Variants in DNAJA2 observed in about 807,000 individuals in gnomAD.
DNAJA2 encodes the protein DnaJ heat shock protein family (Hsp40) member A2, also known as dnaJ homolog subfamily A member 2.
Under a neutral mutation model 49.3 loss-of-function variants are expected in DNAJA2, and 6 were observed. That is an observed-to-expected ratio of 0.12 (90% CI 0.07 to 0.24). The LOEUF (loss-of-function observed/expected upper bound fraction) is 0.24, where lower values mean the gene tolerates loss of function less well. DNAJA2 is among the 10% of genes least tolerant of loss of function. The probability of loss-of-function intolerance (pLI) is 1.00; values close to 1 mark genes in which losing one functional copy is unlikely to be tolerated. For synonymous variants in DNAJA2, 160 were observed against 172.7 expected, an observed-to-expected ratio of 0.93 and a Z score of 0.58; for missense variants, 347 against 516.8, an observed-to-expected ratio of 0.67 and a Z score of 3.19.
At chr16:46,970,837 G>A (rs1240274376) in intron 3 of DNAJA2, among the ~76,000 whole-genome samples, 3 of 149,644 alleles carry the variant, frequency 2.0e-5, no homozygotes, top group Non-Finnish European at 4.4e-5. Context: ...TTGGGAGTTC[G>A]AGACCAGCAT....
rs1198071599 is a variant in DNAJA2 at position 46,970,899 on chromosome 16, G to A, written c.362+450C>T. On this transcript the variant is annotated intron_variant, in intron 3 of 8. Coordinates refer to ENST00000317089, the MANE Select transcript of DNAJA2 (RefSeq NM_005880.4). ...TCTAAAAATACAAAATTAGCCGGGT[G>A]TGTTGGCATATGCCTGTAATCCCAG... Among the ~76,000 whole-genome samples the A allele has an allele frequency of 4.6e-5, 7 of 151,114 alleles. No individual in the cohort carries two copies. The East Asian group carries it at 7.8e-4, about 17-fold the overall frequency.
At chr16:46,967,916 CA>C (rs1378203652) in intron 4 of DNAJA2, among the ~76,000 whole-genome samples, 167 bp downstream of exon 4, 3 of 152,134 alleles carry the variant, frequency 2.0e-5, no homozygotes, top group Admixed American at 6.5e-5. Context: ...TCTCCTACCT[CA>C]GGTGATCCAC....
intron 6 of DNAJA2, among the ~76,000 whole-genome samples, chr16:46,963,537 A>G (rs1255262229): frequency 1.3e-5 from 2 of 151,478 alleles, no homozygotes; most frequent in Non-Finnish European, 2.9e-5. Flanking sequence ...AACCCCAAAA[A>G]ACAAACAAAC....
chr16:46,961,087 T>C (rs1013509815), intron 6 of DNAJA2, among the ~76,000 whole-genome samples: 2 of 152,164 alleles, frequency 1.3e-5, no homozygotes, highest in Admixed American at 6.5e-5. Flanking sequence ...TCTTACCAAA[T>C]ATCCTTTGTT....
At chr16:46,958,873 G>T (rs1961855510) in intron 8 of DNAJA2, 130 bp downstream of exon 8, 7 of 955,466 alleles carry the variant, frequency 7.3e-6, no homozygotes, top group Non-Finnish European at 1.1e-5. Context: ...CAGCCCAGGA[G>T]GTCGAGGCTG....
chr16:46,961,540 C>A (rs563258320), intron 6 of DNAJA2, among the ~76,000 whole-genome samples: 4 of 148,912 alleles, frequency 2.7e-5, no homozygotes, highest in African/African-American at 9.9e-5. Flanking sequence ...AATACAATTG[C>A]GCCACTACAC....
intron 1 of DNAJA2, chr16:46,973,016 G>A (rs1020825571): frequency 8.6e-5 from 13 of 152,016 alleles, no homozygotes; most frequent in Non-Finnish European, 1.9e-4. Flanking sequence ...CTCTGTGGGG[G>A]CGGCCTCGAC....
intron 6 of DNAJA2, among the ~76,000 whole-genome samples, chr16:46,961,025 A>G (rs1961888636): frequency 6.6e-6 from 1 of 151,686 alleles, no homozygotes. Context: ...AATAATAATA[A>G]ATTTAAAATA....
In DNAJA2 at chr16:46,959,261, A is replaced by G; in HGVS notation, c.919+14T>C. ...AATACTTGAAAACCAGAATCGGACA[A>G]AATCAAGATTTACCTGGTTCAATTA... On this transcript the variant is annotated intron_variant, in intron 7 of 8. Coordinates refer to ENST00000317089, the MANE Select transcript of DNAJA2 (RefSeq NM_005880.4). The G allele has an allele frequency of 6.3e-7, 1 of 1,598,396 alleles. No individual in the cohort carries two copies. The highest frequency in any genetic ancestry group is 8.5e-7 in the Non-Finnish European group (1 of 1,173,884).
At chr16:46,957,379 C>T (rs1032718023) in intron 8 of DNAJA2, among the ~76,000 whole-genome samples, 159 bp from the exon 9 acceptor site, 16 of 151,980 alleles carry the variant, frequency 1.1e-4, no homozygotes, top group African/African-American at 3.1e-4. Context: ...CTGAGGCGGG[C>T]GGATAATGAG....
chr16:46,968,313 G>A, intron 3 of DNAJA2, 149 bp from the exon 4 acceptor site: 1 of 574,114 alleles, frequency 1.7e-6, no homozygotes, highest in South Asian at 2.3e-5. Flanking sequence ...CAATTAAACT[G>A]AGGCTTATAT....
At position 46,967,763 on chromosome 16, in the gene DNAJA2, T is replaced by C. The variant is rs909106903; in HGVS notation, c.444-117A>G. On this transcript the variant is annotated intron_variant, in intron 4 of 8. Coordinates refer to ENST00000317089, the MANE Select transcript of DNAJA2 (RefSeq NM_005880.4). ...TCAACCCCAATAACTTGTATTTAAA[T>C]TGACTTCCAGAAGTATCAGAAAACA... 1.1e-5 allele frequency: 15 copies of C among 1,371,232 alleles called. No homozygotes were observed. In the Admixed American group the frequency reaches 1.9e-4, roughly 17 times the overall value. The allele number at this position is 1,371,232 out of a possible 1,614,324, so 84.9% of individuals were successfully genotyped here. A position where few individuals can be genotyped will look rare whatever the true frequency, so the allele number is the denominator to read the frequency against.
intron 5 of DNAJA2, among the ~76,000 whole-genome samples, 184 bp from the exon 6 acceptor site, chr16:46,964,991 G>A (rs558306542): frequency 5.3e-5 from 8 of 152,244 alleles, no homozygotes; most frequent in African/African-American, 1.9e-4. Flanking sequence ...AGGTCAGGGT[G>A]GTAGGATCAC....
intron 6 of DNAJA2, among the ~76,000 whole-genome samples, chr16:46,960,164 C>T (rs1961874483): frequency 6.6e-6 from 1 of 152,214 alleles, no homozygotes; most frequent in Non-Finnish European, 1.5e-5. Context: ...TAGACAGGTT[C>T]TTTTCCTATG....
intron 5 of DNAJA2, among the ~76,000 whole-genome samples, chr16:46,965,524 A>G (rs1237606441): frequency 6.6e-6 from 1 of 152,138 alleles, no homozygotes; most frequent in Non-Finnish European, 1.5e-5. Flanking sequence ...GTTCTGCAAA[A>G]CACGTTCTTC....
In DNAJA2 at chr16:46,971,504, G is replaced by T; in HGVS notation, c.207C>A (p.Tyr69Ter). 6.2e-7 allele frequency: 1 copy of T among 1,613,344 alleles called. No individual in the cohort carries two copies. The highest frequency in any genetic ancestry group is 8.5e-7 in the Non-Finnish European group (1 of 1,179,790). Residue 69 changes from tyrosine to a stop codon, truncating the protein, a stop_gained, in exon 3 of 9, where the codon TAC (tyrosine) becomes TAA (stop). Transcript: ENST00000317089. LOFTEE classifies it high-confidence loss of function. ...NPEKRELYDR[Y>*]GEQGLREGSG... Reference sequence around the variant, plus strand: ...TGCCTTCCCGAAGACCTTGCTCTCCGTATCTGTCATATAACTCACGCTTCT... The same window carrying T: ...TGCCTTCCCGAAGACCTTGCTCTCCTTATCTGTCATATAACTCACGCTTCT...
chr16:46,957,332 G>C (rs755157065), intron 8 of DNAJA2, 112 bp from the exon 9 acceptor site: 87 of 1,036,406 alleles, frequency 8.4e-5, no homozygotes, highest in Non-Finnish European at 1.1e-4. Flanking sequence ...TGGGTGTGGT[G>C]GTTCATGCTT....
intron 8 of DNAJA2, among the ~76,000 whole-genome samples, 159 bp from the exon 9 acceptor site, chr16:46,957,379 C>G (rs1032718023): frequency 1.3e-5 from 2 of 151,980 alleles, no homozygotes; most frequent in African/African-American, 4.8e-5. Flanking sequence ...CTGAGGCGGG[C>G]GGATAATGAG....
rs1286148177 is a variant in DNAJA2, at chr16:46,967,529, A to G, written c.561T>C (p.Ser187=). The G allele has an allele frequency of 8.7e-6, 14 of 1,614,110 alleles. No individual in the cohort carries two copies. Among genetic ancestry groups the G allele is most frequent in the Admixed American group, 5.0e-5 (3 of 60,004 alleles). The change falls in exon 5 of 9, where the codon TCT becomes TCC. Residue 187 remains serine, a synonymous_variant. Coordinates refer to ENST00000317089, the MANE Select transcript of DNAJA2 (RefSeq NM_005880.4). ...CACACATACCTTCTCCATTACAATC[A>G]GAGCACACAGACTGCATCTGTTGTA... ...GMVQQMQSVC[S]DCNGEGEVIN...
Sources: gnomAD v4.1 joint callset for allele counts (sites outside exome capture counted in the v4.1 genomes callset) on GRCh38, gnomAD v4.1.1 for gene constraint, MANE v1.5 for transcripts, NCBI Gene and HGNC (gene_info 2026-07-23, HGNC 2026-07-21) for gene names.